The following ITIH4 variants were observed in gnomAD, a reference collection of about 807,000 sequenced individuals.
ITIH4 encodes the protein inter-alpha-trypsin inhibitor heavy chain 4, also known as inter-alpha-trypsin inhibitor heavy chain H4.
ITIH4 carries 79 observed loss-of-function variants against 111.8 expected under a neutral mutation model. That is an observed-to-expected ratio of 0.71 (90% CI 0.59 to 0.85). ITIH4 has a LOEUF of 0.85. ITIH4 is among the 40% of genes least tolerant of loss of function. The pLI is 0.00. For missense variants in ITIH4, 1,065 were observed against 1,195.8 expected (o/e 0.89, Z 1.61); for synonymous variants, 472 against 468.3 (o/e 1.01, Z -0.10).
At chr3:52,821,235 A>C in intron 11 of ITIH4, 105 bp from the exon 12 acceptor site, 1 of 1,365,570 alleles carries the variant, frequency 7.3e-7, no homozygotes, top group Non-Finnish European at 1.0e-6. Context: ...CAGGTCCCAC[A>C]CACTGACTGT....
chr3:52,823,194 G>A (rs561415810), intron 11 of ITIH4: 106 of 196,912 alleles, frequency 5.4e-4, no homozygotes, highest in Non-Finnish European at 9.1e-4. Context: ...GTGGGGCCCG[G>A]GGAAAGCTGC....
chr3:52,816,334 T>G (rs1368590825), intron 21 of ITIH4, among the ~76,000 whole-genome samples: 1 of 152,232 alleles, frequency 6.6e-6, no homozygotes, highest in Non-Finnish European at 1.5e-5. Context: ...CACTGACTTG[T>G]GTCTCCTTAG....
At chr3:52,814,392 G>A (rs777781888) in intron 21 of ITIH4, 29 bp from the exon 22 acceptor site, 2 of 1,608,186 alleles carry the variant, frequency 1.2e-6, no homozygotes, top group South Asian at 1.1e-5. Context: ...TCTTGAGCAG[G>A]AAGGTAGAGA....
rs752458674 is a variant in ITIH4, at chr3:52,813,455, C to T, written c.2759G>A (p.Gly920Glu). Residue 920 changes from glycine (G) to glutamate (E), a missense_variant, in exon 24 of 24, where the codon GGA becomes GAA. By Grantham distance (98) the Gly-to-Glu change is moderately conservative. Coordinates refer to ENST00000266041, the MANE Select transcript of ITIH4 (RefSeq NM_002218.5). ...CACAGACCAGCAGGAAATCTCCACT[C>T]CCGGGGGCCCCTCCTGGTAATCCAG... ...RRLDYQEGPP[G>E]VEISCWSVEL 3 of 1,614,130 alleles carry T rather than the reference C, an allele frequency of 1.9e-6. No homozygotes were observed. The highest frequency in any genetic ancestry group is 2.2e-5 in the South Asian group (2 of 91,082).
Position 52,818,506 on chromosome 3 carries a change from T to C in ITIH4, c.2108A>G (p.Asn703Ser). The change falls in exon 18 of 24, where the codon AAT becomes AGT. Residue 703 changes from asparagine (N) to serine (S), a missense_variant. Coordinates refer to ENST00000266041, the MANE Select transcript of ITIH4 (RefSeq NM_002218.5). ...GACACGAGACACAGCTGGATCAGGA[T>C]TTGAGGTGGCTGGTGGTGCTGAAGC... Reference protein sequence around the residue: ...LPASAPPATSNPDPAVSRVMN... With the variant: ...LPASAPPATSSPDPAVSRVMN... 1 of 1,606,192 alleles carries C rather than the reference T, an allele frequency of 6.2e-7. No homozygotes were observed. The highest frequency in any genetic ancestry group is 8.5e-7 in the Non-Finnish European group (1 of 1,176,222).
rs1307987818 is a variant in ITIH4 at position 52,823,943 on chromosome 3, G to A, written c.1233C>T (p.Ser411=). The A allele has an allele frequency of 6.2e-7, 1 of 1,602,524 alleles. No homozygotes were observed. The highest frequency in any genetic ancestry group is 8.5e-7 in the Non-Finnish European group (1 of 1,174,840). ...CGAAACCGAAGCCCAGGCAGAAGAG[G>A]CTGTACCGGCCACTTACAGCTTCCC... The part of the protein sequence containing the change: ...NVREAVSGRY[S]LFCLGFGFDV... Residue 411 remains serine (S), a synonymous_variant, in exon 10 of 24, where the codon AGC becomes AGT. Coordinates refer to ENST00000266041, the MANE Select transcript of ITIH4 (RefSeq NM_002218.5).
intron 21 of ITIH4, among the ~76,000 whole-genome samples, chr3:52,816,433 C>T (rs558521702): frequency 1.4e-4 from 21 of 152,362 alleles, no homozygotes; most frequent in Middle Eastern, 3.4e-3. Context: ...CAGAACATCA[C>T]GTCACTATGT....
At position 52,824,872 on chromosome 3, in the gene ITIH4, G is replaced by A. The variant is rs537236780; in HGVS notation, c.846C>T (p.Ser282=). The A allele has an allele frequency of 2.2e-5, 36 of 1,613,910 alleles. No individual in the cohort carries two copies. The Admixed American group carries it at 3.0e-4, about 13-fold the overall frequency. Residue 282 remains serine, a synonymous_variant, in exon 7 of 24, where the codon AGC becomes AGT. Coordinates refer to ENST00000266041, the MANE Select transcript of ITIH4 (RefSeq NM_002218.5). The surrounding 1 kb of genome is among the most constrained non-coding windows in gnomAD (Gnocchi z 4.3). The part of the protein sequence containing the change: ...PKNVVFVIDK[S]GSMSGRKIQQ... Reference sequence around the variant, plus strand: ...GGATTTTCCTGCCACTCATGGAGCCGCTCTTGTCAATGACAAAGACCACAT... The same window carrying A: ...GGATTTTCCTGCCACTCATGGAGCCACTCTTGTCAATGACAAAGACCACAT...
Position 52,821,666 on chromosome 3 carries a change from C to T in ITIH4, c.1540-536G>A, listed in dbSNP as rs376345921. Among the ~76,000 whole-genome samples the T allele has an allele frequency of 4.9e-4, 74 of 152,202 alleles. No homozygotes were observed. The East Asian group carries it at 0.012, about 25-fold the overall frequency. ...AGCTGGCCCCTCTGCGGCTGGCCACCGTGGGACAATGACAGGGAAGCATGC... is the reference window on the plus strand; with the variant it reads ...AGCTGGCCCCTCTGCGGCTGGCCACTGTGGGACAATGACAGGGAAGCATGC... On this transcript the variant is annotated intron_variant, in intron 11 of 23. Coordinates refer to ENST00000266041, the MANE Select transcript of ITIH4 (RefSeq NM_002218.5).
chr3:52,815,746 G>A (rs545797751), intron 21 of ITIH4, among the ~76,000 whole-genome samples: 22 of 150,996 alleles, frequency 1.5e-4, no homozygotes, highest in South Asian at 2.1e-4. Context: ...AGGCTGGAGC[G>A]CAGTGGTGTT....
chr3:52,812,970 A>AT lies in ITIH4; in HGVS notation c.*450dup, dbSNP rs67293153. On this transcript the variant is annotated 3_prime_UTR_variant, in exon 24 of 24. Transcript: ENST00000266041. The stretch of plus-strand genomic sequence containing the variant: ...AAAGAATTCCAACCCAGTTCACTCT[A>AT]TTTTTTTTTTTTTTTTTTTTGTAGT... 0.37 allele frequency: 49,418 copies of AT among 132,362 alleles called. 9,659 individuals carry two copies. The highest frequency in any genetic ancestry group is 0.44 in the Admixed American group (5,760 of 13,040). 8.2% of individuals were successfully genotyped at this position (132,362 alleles called of 1,614,324 possible).
chr3:52,826,941 T>C lies in ITIH4; in HGVS notation c.369A>G (p.Arg123=). 2 of 1,613,938 alleles carry C rather than the reference T, an allele frequency of 1.2e-6. No homozygotes were observed. Among genetic ancestry groups the C allele is most frequent in the East Asian group, 2.2e-5 (1 of 44,862 alleles). ...KSAGLVKATG[R]NMEQFQVSVS... is the part of the protein sequence containing the mutation. ...CCGACACCTGGAACTGCTCCATGTT[T>C]CTCCCGGTGGCCCTGGGGGAGAAGG... Residue 123 remains arginine (R), a synonymous_variant, in exon 4 of 24, where the codon AGA becomes AGG. Transcript: ENST00000266041.
Position 52,824,182 on chromosome 3 carries a change from G to A in ITIH4, c.1171+8C>T, listed in dbSNP as rs769777795. On this transcript the variant is annotated splice_region_variant and intron_variant, in intron 9 of 23. Transcript: ENST00000266041. The surrounding 1 kb of genome is among the most constrained non-coding windows in gnomAD (Gnocchi z 4.3). ...AGCACGTCCTGGAGTCACGGGCAGG[G>A]CCCTCACCCACAGTGGGGTCGCCAT... The A allele has an allele frequency of 7.4e-6, 12 of 1,612,834 alleles. No homozygotes were observed. In the Admixed American group the frequency reaches 1.3e-4, roughly 18 times the overall value.
chr3:52,816,999 T>A lies in ITIH4; in HGVS notation c.2356A>T (p.Thr786Ser). 1.9e-6 allele frequency: 3 copies of A among 1,613,946 alleles called. No homozygotes were observed. The South Asian group carries it at 3.3e-5, about 18-fold the overall frequency. Residue 786 changes from threonine (T) to serine (S), a missense_variant, in exon 21 of 24, where the codon ACC (threonine) becomes TCC (serine). Coordinates refer to ENST00000266041, the MANE Select transcript of ITIH4 (RefSeq NM_002218.5). ...EKAGFSWIEV[T>S]FKNPLVWVHA... ...ACCCATACCAGGGGGTTCTTGAAGG[T>A]CACTTCGATCCATGAGAACCCAGCC...
chr3:52,820,126 C>T, intron 14 of ITIH4, 136 bp from the exon 15 acceptor site: 2 of 1,268,136 alleles, frequency 1.6e-6, no homozygotes. Context: ...CGACTAAATG[C>T]ACCAGCATGC....
rs1052653688 is a variant in ITIH4 at position 52,818,108 on chromosome 3, C to A, written c.2240G>T (p.Cys747Phe). ...CCCCTGGCGGTGTCTGGGGTCCACACAGAGCCGCTCCACACTCTGCCCAGG... is the reference window on the plus strand; with the variant it reads ...CCCCTGGCGGTGTCTGGGGTCCACAAAGAGCCGCTCCACACTCTGCCCAGG... ...PLPGQSVERLCVDPRHRQGPV... is the reference protein window; with the variant it reads ...PLPGQSVERLFVDPRHRQGPV... The change falls in exon 20 of 24, where the codon TGT becomes TTT. Residue 747 changes from cysteine to phenylalanine, a missense_variant. Cys to Phe is a radical substitution (Grantham distance 205, BLOSUM62 -2). Coordinates refer to ENST00000266041, the MANE Select transcript of ITIH4 (RefSeq NM_002218.5). The A allele has an allele frequency of 6.2e-7, 1 of 1,613,894 alleles. No individual in the cohort carries two copies. Among genetic ancestry groups the A allele is most frequent in the Non-Finnish European group, 8.5e-7 (1 of 1,180,018 alleles).
At chr3:52,818,666 T>C in intron 17 of ITIH4, 130 bp from the exon 18 acceptor site, 1 of 732,160 alleles carries the variant, frequency 1.4e-6, no homozygotes, top group Non-Finnish European at 2.3e-6. Context: ...ATGGCCTTTG[T>C]CACAGGAGAT....
chr3:52,820,282 G>A lies in ITIH4; in HGVS notation c.1861+9C>T, dbSNP rs757802277. Reference sequence around the variant, plus strand: ...CCCAGCACAGCCTTTGAGGATGTTCGCTGCTTACCTGAGTGGACATTCCTG... The same window carrying A: ...CCCAGCACAGCCTTTGAGGATGTTCACTGCTTACCTGAGTGGACATTCCTG... On this transcript the variant is annotated intron_variant, in intron 14 of 23. Coordinates refer to ENST00000266041, the MANE Select transcript of ITIH4 (RefSeq NM_002218.5). 2.8e-5 allele frequency: 45 copies of A among 1,614,048 alleles called. No homozygotes were observed. The Middle Eastern group carries it at 8.3e-4, about 30-fold the overall frequency.
chr3:52,819,110 C>T lies in ITIH4; in HGVS notation c.2077+283G>A, dbSNP rs930303576. ...ACAACCTAGGGGCAGCTAAAGGACC[C>T]GGGTGAGCTCGCATCTGAGGAGATG... On this transcript the variant is annotated intron_variant, in intron 17 of 23. Coordinates refer to ENST00000266041, the MANE Select transcript of ITIH4 (RefSeq NM_002218.5). The T allele has an allele frequency of 1.1e-4, 45 of 418,980 alleles. No homozygotes were observed. In the Admixed American group the frequency reaches 1.1e-3, roughly 10 times the overall value. The allele number at this position is 418,980 out of a possible 1,614,324, so 26.0% of individuals were successfully genotyped here. A position where few individuals can be genotyped will look rare whatever the true frequency, so the allele number is the denominator to read the frequency against.
Sources: gnomAD v4.1 joint callset for allele counts (sites outside exome capture counted in the v4.1 genomes callset) on GRCh38, gnomAD v4.1.1 for gene constraint, Gnocchi (gnomAD v3.1) non-coding constraint, MANE v1.5 for transcripts, NCBI Gene and HGNC (gene_info 2026-07-23, HGNC 2026-07-21) for gene names.